The following ALDH18A1 variants were observed in gnomAD, a reference collection of about 807,000 sequenced individuals.
ALDH18A1 encodes the protein delta-1-pyrroline-5-carboxylate synthase.
In ALDH18A1, 44 loss-of-function variants were observed where a neutral mutation model predicts 88.8. That is an observed-to-expected ratio of 0.50 (90% confidence interval 0.39 to 0.64). The LOEUF is 0.64. Among genes scored for constraint, ALDH18A1 ranks in the 30% least tolerant of loss-of-function variants. The pLI is 0.00. For synonymous variants in ALDH18A1, 331 were observed against 372.1 expected, an observed-to-expected ratio of 0.89 and a Z score of 1.27; for missense variants, 782 against 1,009.5, an observed-to-expected ratio of 0.77 and a Z score of 3.05.
chr10:95,649,556 T>C (rs2097906821), intron 2 of ALDH18A1, among the ~76,000 whole-genome samples: 1 of 151,718 alleles, frequency 6.6e-6, no homozygotes, highest in Admixed American at 6.6e-5. Flanking sequence ...GGGGTTTCAC[T>C]GTGTTAGTCA....
intron 13 of ALDH18A1, 42 bp from the exon 14 acceptor site, chr10:95,614,203 C>G (rs1402044012): frequency 5.6e-6 from 9 of 1,596,310 alleles, no homozygotes; most frequent in Non-Finnish European, 7.7e-6. Flanking sequence ...GACATCTGAC[C>G]ACACAAAATA....
intron 15 of ALDH18A1, among the ~76,000 whole-genome samples, chr10:95,611,751 A>G (rs980649896): frequency 7.7e-5 from 11 of 142,380 alleles, no homozygotes; most frequent in Admixed American, 2.3e-4. Context: ...ACGGGTGGAT[A>G]ACTTGAGGTC....
chr10:95,626,137 T>C (rs2097860058), intron 10 of ALDH18A1, among the ~76,000 whole-genome samples: 1 of 151,802 alleles, frequency 6.6e-6, no homozygotes, highest in Admixed American at 6.5e-5. Context: ...GAGTTACTTT[T>C]TCTTTTCTCA....
At chr10:95,631,118 A>G (rs2097868507) in intron 7 of ALDH18A1, among the ~76,000 whole-genome samples, 2 of 152,176 alleles carry the variant, frequency 1.3e-5, no homozygotes, top group Non-Finnish European at 2.9e-5. Context: ...CACAGCTACT[A>G]TATTTCTTAT....
rs751181507 is a variant in ALDH18A1 at position 95,611,373 on chromosome 10, G to A, written c.1993C>T (p.Arg665Ter). ...TFSPSEVKSL[R>*]TEYGDLELCI... ...AATTCCAGGTCCCCATACTCAGTTC[G>A]GAGTGACTTCACTTCGGAGGGGCTG... Residue 665 changes from arginine to a stop codon, truncating the protein, a stop_gained, in exon 16 of 18, where the codon CGA (arginine) becomes TGA (stop). Coordinates refer to ENST00000371224, the MANE Select transcript of ALDH18A1 (RefSeq NM_002860.4). LOFTEE classifies it high-confidence loss of function. 15 of 1,614,174 alleles carry A rather than the reference G, an allele frequency of 9.3e-6. No individual in the cohort carries two copies. The highest frequency in any genetic ancestry group is 4.0e-5 in the African/African-American group (3 of 75,030).
At chr10:95,632,904 C>T (rs1289806446) in intron 7 of ALDH18A1, 55 bp downstream of exon 7, 1 of 1,444,468 alleles carries the variant, frequency 6.9e-7, no homozygotes, top group Non-Finnish European at 9.7e-7. Flanking sequence ...CATGTGCTCA[C>T]ATATGTAGCA....
rs1391149767 is a variant in ALDH18A1, at chr10:95,613,965, C to A, written c.1801+1G>T. On this transcript the variant is annotated splice_donor_variant, in intron 14 of 17. Transcript: ENST00000371224. LOFTEE classifies it high-confidence loss of function. The stretch of plus-strand genomic sequence containing the variant: ...GAAAGAGAAGACCCCATCCAGCTCA[C>A]CTAGCCTGGTGACCTTATCAACACT... The A allele has an allele frequency of 6.2e-7, 1 of 1,614,194 alleles. No individual in the cohort carries two copies. Among genetic ancestry groups the A allele is most frequent in the East Asian group, 2.2e-5 (1 of 44,884 alleles).
At chr10:95,641,173 T>C (rs1330523315) in intron 3 of ALDH18A1, among the ~76,000 whole-genome samples, 3 of 152,132 alleles carry the variant, frequency 2.0e-5, no homozygotes, top group African/African-American at 7.2e-5. Flanking sequence ...CCATCAGTTG[T>C]CAAGGCCCAG....
chr10:95,614,408 G>A (rs557325173), intron 13 of ALDH18A1, among the ~76,000 whole-genome samples: 3 of 152,342 alleles, frequency 2.0e-5, no homozygotes, highest in Non-Finnish European at 4.4e-5. Flanking sequence ...GACACTGCAT[G>A]CCGTCAAAGA....
intron 2 of ALDH18A1, among the ~76,000 whole-genome samples, chr10:95,650,357 CTATGGTTTGGA>C (rs2097908516): frequency 1.3e-5 from 2 of 152,176 alleles, no homozygotes; most frequent in South Asian, 2.1e-4. Context: ...CCTGGAAGTG[CTATGGTTTGGA>C]TATGGTTTGG....
chr10:95,641,862 G>T (rs776205134), intron 3 of ALDH18A1, among the ~76,000 whole-genome samples: 1 of 151,972 alleles, frequency 6.6e-6, no homozygotes, highest in Admixed American at 6.6e-5. Context: ...GGCTGGTCTC[G>T]AACTCCTGGG....
intron 15 of ALDH18A1, 97 bp from the exon 16 acceptor site, chr10:95,611,539 C>A: frequency 7.0e-7 from 1 of 1,425,904 alleles, no homozygotes; most frequent in Non-Finnish European, 9.9e-7. Context: ...AACCACAGCC[C>A]AAAGTGGCTC....
chr10:95,632,999 T>C lies in ALDH18A1; in HGVS notation c.768A>G (p.Glu256=). Residue 256 remains glutamate (E), a synonymous_variant, in exon 7 of 18, where the codon GAA becomes GAG. Coordinates refer to ENST00000371224, the MANE Select transcript of ALDH18A1 (RefSeq NM_002860.4). ...GAACAATCAAGAGATCAGTTTTCAT[T>C]TCCACAGCCAGTCGGGCAGCCAGGC... ...NDSLAARLAV[E]MKTDLLIVLS... 6.2e-7 allele frequency: 1 copy of C among 1,614,204 alleles called. No homozygotes were observed. Among genetic ancestry groups the C allele is most frequent in the Non-Finnish European group, 8.5e-7 (1 of 1,180,030 alleles).
chr10:95,607,522 AG>A (rs1471282147), intron 17 of ALDH18A1, among the ~76,000 whole-genome samples: 2 of 149,718 alleles, frequency 1.3e-5, no homozygotes, highest in African/African-American at 4.9e-5. Context: ...TATACAGTGG[AG>A]GCAGGGTTCC....
At chr10:95,640,148 A>G (rs1438857552) in intron 3 of ALDH18A1, among the ~76,000 whole-genome samples, 1 of 152,140 alleles carries the variant, frequency 6.6e-6, no homozygotes, top group Non-Finnish European at 1.5e-5. Flanking sequence ...TCCTTTACCA[A>G]CTATTTGGTT....
At chr10:95,620,810 G>A (rs1158619453) in intron 12 of ALDH18A1, among the ~76,000 whole-genome samples, 2 of 151,432 alleles carry the variant, frequency 1.3e-5, no homozygotes, top group African/African-American at 2.4e-5. Context: ...GACTGGGGGA[G>A]GGATAGCATT....
chr10:95,648,397 T>G (rs2097904696), intron 2 of ALDH18A1, among the ~76,000 whole-genome samples: 2 of 151,998 alleles, frequency 1.3e-5, no homozygotes. Flanking sequence ...GCCTCATAAG[T>G]TAGGTATTAT....
intron 12 of ALDH18A1, 51 bp downstream of exon 12, chr10:95,620,980 C>T: frequency 1.9e-6 from 3 of 1,546,770 alleles, no homozygotes; most frequent in Non-Finnish European, 2.7e-6. Flanking sequence ...CTCCAATATC[C>T]ACACCAGCCC....
chr10:95,654,166 C>CT (rs34306795), intron 1 of ALDH18A1, among the ~76,000 whole-genome samples: 38,775 of 138,438 alleles, frequency 0.28, 6,172 homozygotes, highest in Admixed American at 0.39. Flanking sequence ...ATTATTGTAG[C>CT]TTTTTTTTTT....
Sources: allele counts gnomAD v4.1 joint callset (sites outside exome capture counted in the v4.1 genomes callset), GRCh38; gene constraint gnomAD v4.1.1; transcripts MANE v1.5; gene names NCBI Gene and HGNC (gene_info 2026-07-23, HGNC 2026-07-21).